Variants in RRH observed in about 807,000 individuals in gnomAD.
RRH encodes visual pigment-like receptor peropsin.
A neutral mutation model predicts 33.1 loss-of-function variants in RRH; 36 were observed. That is an observed-to-expected ratio of 1.09 (90% confidence interval 0.83 to 1.44). RRH has a LOEUF of 1.44. Ranked by LOEUF, RRH falls within the 40% of genes most tolerant of loss-of-function variation. The pLI is 0.00. For synonymous variants in RRH, 124 were observed against 140.2 expected, an observed-to-expected ratio of 0.88 and a Z score of 0.82; for missense variants, 393 against 420.2, an observed-to-expected ratio of 0.94 and a Z score of 0.57.
chr4:109,837,507 T>A lies in RRH; in HGVS notation c.622T>A (p.Cys208Ser). The A allele has an allele frequency of 6.2e-7, 1 of 1,613,286 alleles. No homozygotes were observed. The highest frequency in any genetic ancestry group is 8.5e-7 in the Non-Finnish European group (1 of 1,179,170). ...TGTGCCCTTGACAGTGATGTTTTACTGCTATTACCATGTCACGCTATCCAT... is the reference window on the plus strand; with the variant it reads ...TGTGCCCTTGACAGTGATGTTTTACAGCTATTACCATGTCACGCTATCCAT... Reference protein sequence around the residue: ...FIVPLTVMFYCYYHVTLSIKH... With the variant: ...FIVPLTVMFYSYYHVTLSIKH... Residue 208 changes from cysteine (C) to serine (S), a missense_variant, in exon 5 of 7, where the codon TGC (cysteine) becomes AGC (serine). Physicochemically the swap from Cys to Ser is moderately radical, Grantham distance 112 (BLOSUM62 -1). Transcript: ENST00000317735.
Position 109,844,165 on chromosome 4 carries a change from T to A in RRH, c.982T>A (p.Ser328Thr), listed in dbSNP as rs1344680645. ...GACAAGTATTTTACCCATGGATGTA[T>A]CTCAAAACCCATTGGCTTCTGGAAG... ...PVTSILPMDVSQNPLASGRI is the reference protein window; with the variant it reads ...PVTSILPMDVTQNPLASGRI The change falls in exon 7 of 7, where the codon TCT becomes ACT. Residue 328 changes from serine (S) to threonine (T), a missense_variant. Physicochemically the swap from Ser to Thr is moderately conservative, Grantham distance 58 (BLOSUM62 1). Coordinates refer to ENST00000317735, the MANE Select transcript of RRH (RefSeq NM_006583.5). The A allele has an allele frequency of 6.2e-7, 1 of 1,612,648 alleles. No homozygotes were observed. Among genetic ancestry groups the A allele is most frequent in the Non-Finnish European group, 8.5e-7 (1 of 1,178,762 alleles).
chr4:109,834,524 T>TTA (rs1553921332), intron 2 of RRH, among the ~76,000 whole-genome samples: 1 of 149,392 alleles, frequency 6.7e-6, no homozygotes, highest in African/African-American at 2.5e-5. Context: ...TTTTTTTTTT[T>TTA]AGTAATGACG....
intron 5 of RRH, among the ~76,000 whole-genome samples, chr4:109,840,933 T>A (rs1733972184): frequency 6.6e-6 from 1 of 152,126 alleles, no homozygotes; most frequent in Non-Finnish European, 1.5e-5. Context: ...ATGACCACCA[T>A]CATCATTATT....
chr4:109,839,102 G>A (rs564156832), intron 5 of RRH, among the ~76,000 whole-genome samples: 7 of 150,082 alleles, frequency 4.7e-5, no homozygotes, highest in African/African-American at 1.3e-4. Context: ...TTTTGTGGTT[G>A]TTGTTTGTTT....
intron 5 of RRH, among the ~76,000 whole-genome samples, chr4:109,842,122 A>G (rs1385980053): frequency 2.0e-5 from 3 of 152,186 alleles, no homozygotes; most frequent in African/African-American, 7.2e-5. Context: ...AATGATGTGA[A>G]GTGGGGTGGG....
At chr4:109,844,039 A>G (rs1286555786) in intron 6 of RRH, 44 bp from the exon 7 acceptor site, 5 of 1,290,962 alleles carry the variant, frequency 3.9e-6, no homozygotes, top group Admixed American at 1.7e-5. Context: ...TAGAAGTTCC[A>G]AATCATTATG....
rs1021904483 is a variant in RRH, at chr4:109,844,826, T to G, written c.*629T>G. 6.6e-6 allele frequency among the ~76,000 whole-genome samples: 1 copy of G among 152,322 alleles called. No homozygotes were observed. Among genetic ancestry groups the G allele is most frequent in the South Asian group, 2.1e-4 (1 of 4,824 alleles). On this transcript the variant is annotated 3_prime_UTR_variant, in exon 7 of 7. Transcript: ENST00000317735. ...TATTCCATATATTTGCCAACAGAGT[T>G]AACTTCAATCAGAGTGGAGATTTTT...
At chr4:109,843,398 A>G (rs1391866362) in intron 6 of RRH, among the ~76,000 whole-genome samples, 1 of 152,084 alleles carries the variant, frequency 6.6e-6, no homozygotes, top group Non-Finnish European at 1.5e-5. Flanking sequence ...TTTAGTAGAG[A>G]TGGGGTTTCA....
At position 109,843,444 on chromosome 4, in the gene RRH, C is replaced by T. The variant is rs372560196; in HGVS notation, c.900-639C>T. 2.5e-3 allele frequency among the ~76,000 whole-genome samples: 386 copies of T among 152,256 alleles called. 2 individuals are homozygous for T. Among genetic ancestry groups the T allele is most frequent in the African/African-American group, 8.8e-3 (364 of 41,542 alleles). The stretch of plus-strand genomic sequence containing the variant: ...CAGGCTCGTCTTGAACTCCTGACCT[C>T]GTGATCCGCCCGCCTCGGCCTCCCA... On this transcript the variant is annotated intron_variant, in intron 6 of 6. Transcript: ENST00000317735.
chr4:109,837,318 C>G, intron 4 of RRH, 119 bp from the exon 5 acceptor site: 1 of 948,358 alleles, frequency 1.1e-6, no homozygotes, highest in Non-Finnish European at 1.6e-6. Context: ...AAATATACTT[C>G]TAAAATTATT....
At chr4:109,843,975 A>G in intron 6 of RRH, 108 bp from the exon 7 acceptor site, 1 of 742,328 alleles carries the variant, frequency 1.3e-6, no homozygotes, top group South Asian at 1.4e-5. Flanking sequence ...GCAGAAATTT[A>G]TCCAGAGATG....
intron 5 of RRH, among the ~76,000 whole-genome samples, chr4:109,840,856 G>A (rs1156791285): frequency 6.6e-6 from 1 of 151,712 alleles, no homozygotes; most frequent in Non-Finnish European, 1.5e-5. Flanking sequence ...TAAGCATGGA[G>A]ATGCTCATTA....
chr4:109,839,827 T>C (rs1438455373), intron 5 of RRH, among the ~76,000 whole-genome samples: 1 of 152,224 alleles, frequency 6.6e-6, no homozygotes, highest in Non-Finnish European at 1.5e-5. Flanking sequence ...CCATGGTGTA[T>C]ATGTACCACA....
intron 2 of RRH, among the ~76,000 whole-genome samples, chr4:109,833,645 C>A (rs1733811191): frequency 6.6e-6 from 1 of 152,122 alleles, no homozygotes; most frequent in South Asian, 2.1e-4. Flanking sequence ...AAAAAAATAA[C>A]CTGCTTTCAT....
chr4:109,843,620 G>A (rs1734024299), intron 6 of RRH, among the ~76,000 whole-genome samples: 1 of 152,190 alleles, frequency 6.6e-6, no homozygotes, highest in African/African-American at 2.4e-5. Context: ...TAAGAAGAAT[G>A]AAGAACACAT....
At position 109,844,088 on chromosome 4, in the gene RRH, G is replaced by A. The variant is rs142661553; in HGVS notation, c.905G>A (p.Arg302Gln). 2,542 of 1,608,378 alleles carry A rather than the reference G, an allele frequency of 1.6e-3. 7 individuals are homozygous for A. Among genetic ancestry groups the A allele is most frequent in the Non-Finnish European group, 1.9e-3 (2,226 of 1,174,966 alleles). Residue 302 changes from arginine (R) to glutamine (Q), a missense_variant, in exon 7 of 7, where the codon CGG (arginine) becomes CAG (glutamine). By Grantham distance (43) the Arg-to-Gln change is conservative (BLOSUM62 1). Coordinates refer to ENST00000317735, the MANE Select transcript of RRH (RefSeq NM_006583.5). ...TTTTCCTTTTTTTATCGTAGGTTTC[G>A]GAGGGCAATGCTTGCCATGTTCAAA... ...CIYVVANKKF[R>Q]RAMLAMFKCQ...
intron 3 of RRH, 32 bp downstream of exon 3, chr4:109,835,497 T>G (rs1332401646): frequency 6.7e-7 from 1 of 1,502,014 alleles, no homozygotes; most frequent in Non-Finnish European, 9.3e-7. Flanking sequence ...TCTTAATGAA[T>G]CCATTTCTTG....
chr4:109,843,753 T>A (rs1734026850), intron 6 of RRH, among the ~76,000 whole-genome samples: 1 of 152,350 alleles, frequency 6.6e-6, no homozygotes, highest in Non-Finnish European at 1.5e-5. Flanking sequence ...TAGCATCCTT[T>A]TAAATACATA....
At chr4:109,838,557 C>T (rs1291212925) in intron 5 of RRH, among the ~76,000 whole-genome samples, 1 of 151,776 alleles carries the variant, frequency 6.6e-6, no homozygotes, top group Non-Finnish European at 1.5e-5. Context: ...GCACATTCTT[C>T]AATTAATTCC....
Sources: allele counts gnomAD v4.1 joint callset (sites outside exome capture counted in the v4.1 genomes callset), GRCh38; gene constraint gnomAD v4.1.1; transcripts MANE v1.5; gene names NCBI Gene and HGNC (gene_info 2026-07-23, HGNC 2026-07-21).